UBR3: variants seen among roughly 807,000 people sequenced by gnomAD.
UBR3 encodes ubiquitin protein ligase E3 component n-recognin 3, also known as E3 ubiquitin-protein ligase UBR3.
Under a neutral mutation model 243.2 loss-of-function variants are expected in UBR3, and 85 were observed. That is an observed-to-expected ratio of 0.35 (90% CI 0.29 to 0.42). The LOEUF is 0.42. UBR3 is among the 10% of genes least tolerant of loss of function. The pLI is 1.00. For missense variants in UBR3, 1,686 were observed against 2,300.8 expected, an observed-to-expected ratio of 0.73 and a Z score of 5.47; for synonymous variants, 748 against 799.8, an observed-to-expected ratio of 0.94 and a Z score of 1.09.
At chr2:169,879,623 A>G (rs1229506355) in intron 5 of UBR3, among the ~76,000 whole-genome samples, 1 of 152,194 alleles carries the variant, frequency 6.6e-6, no homozygotes, top group African/African-American at 2.4e-5. Context: ...ACATTTCCTT[A>G]TCTGTGAAAT....
intron 1 of UBR3, among the ~76,000 whole-genome samples, chr2:169,854,926 A>G (rs2082785065): frequency 6.6e-6 from 1 of 152,240 alleles, no homozygotes; most frequent in African/African-American, 2.4e-5. Flanking sequence ...TTAAACCAAG[A>G]TAATTTCTCG....
chr2:169,921,957 C>T (rs2085716870), intron 11 of UBR3, among the ~76,000 whole-genome samples: 1 of 152,066 alleles, frequency 6.6e-6, no homozygotes, highest in Non-Finnish European at 1.5e-5. Context: ...CGCCACCGTA[C>T]TCCAGTCTGG....
At chr2:169,903,305 T>G (rs1011231758) in intron 8 of UBR3, among the ~76,000 whole-genome samples, 4 of 152,242 alleles carry the variant, frequency 2.6e-5, no homozygotes, top group African/African-American at 9.6e-5. Context: ...TTCTGCTTAT[T>G]CATCCTCTGG....
At chr2:169,834,416 T>C (rs771215766) in intron 1 of UBR3, among the ~76,000 whole-genome samples, 1 of 152,238 alleles carries the variant, frequency 6.6e-6, no homozygotes, top group Non-Finnish European at 1.5e-5. Context: ...TGTGAGCTTA[T>C]GTATGAGGAT....
At chr2:170,021,661 T>C (rs1312619519) in intron 30 of UBR3, among the ~76,000 whole-genome samples, 1 of 152,304 alleles carries the variant, frequency 6.6e-6, no homozygotes, top group South Asian at 2.1e-4. Context: ...GACTTTCTTT[T>C]GACCTCTTCA....
intron 6 of UBR3, among the ~76,000 whole-genome samples, chr2:169,894,824 G>A (rs922659704): frequency 2.0e-5 from 3 of 152,142 alleles, no homozygotes; most frequent in Admixed American, 6.5e-5. Flanking sequence ...TCTAAGTTTA[G>A]CCCCTGCTTA....
chr2:170,058,192 T>G (rs907516108), intron 33 of UBR3, among the ~76,000 whole-genome samples: 1 of 152,178 alleles, frequency 6.6e-6, no homozygotes, highest in Non-Finnish European at 1.5e-5. Context: ...CTTTCCTTCC[T>G]TTCTTCCTTT....
At chr2:169,901,869 C>T (rs1028163495) in intron 8 of UBR3, among the ~76,000 whole-genome samples, 6 of 152,154 alleles carry the variant, frequency 3.9e-5, no homozygotes, top group African/African-American at 1.4e-4. Flanking sequence ...AATCTAAAAC[C>T]ATGTGTTGTA....
chr2:169,848,708 ATT>A (rs35893950), intron 1 of UBR3, among the ~76,000 whole-genome samples: 6,496 of 144,522 alleles, frequency 0.045, 158 homozygotes, highest in Middle Eastern at 0.072. Flanking sequence ...AAGTTTTTTA[ATT>A]TTTTTTTTTT....
At chr2:170,081,634 G>A in intron 38 of UBR3, 92 bp from the exon 39 acceptor site, 4 of 962,790 alleles carry the variant, frequency 4.2e-6, no homozygotes, top group Middle Eastern at 5.9e-4. Flanking sequence ...AGGTTGCACT[G>A]CGAGAGACTG....
intron 31 of UBR3, among the ~76,000 whole-genome samples, chr2:170,033,730 T>A (rs897944122): frequency 4.6e-5 from 7 of 151,656 alleles, no homozygotes; most frequent in African/African-American, 1.7e-4. Flanking sequence ...ACCTCAACAC[T>A]CTTCCAATAT....
At chr2:169,973,862 C>T (rs2088293015) in intron 24 of UBR3, among the ~76,000 whole-genome samples, 1 of 152,150 alleles carries the variant, frequency 6.6e-6, no homozygotes, top group Non-Finnish European at 1.5e-5. Context: ...ATTGTGTTGA[C>T]ATACCTCCAT....
chr2:170,036,045 C>A (rs2090822921), intron 31 of UBR3, among the ~76,000 whole-genome samples: 1 of 151,838 alleles, frequency 6.6e-6, no homozygotes, highest in Non-Finnish European at 1.5e-5. Context: ...AATCATTTAT[C>A]AGTTCCAGGA....
At chr2:170,072,519 A>G (rs901197086) in intron 35 of UBR3, among the ~76,000 whole-genome samples, 2 of 152,156 alleles carry the variant, frequency 1.3e-5, no homozygotes, top group African/African-American at 2.4e-5. Context: ...ACATATATAC[A>G]TATGTAACTA....
rs117043088 is a variant in UBR3, at chr2:170,066,305, T to G, written c.5019+4862T>G. Among the ~76,000 whole-genome samples the G allele has an allele frequency of 4.9e-4, 74 of 152,334 alleles. 2 individuals carry two copies. The East Asian group carries it at 0.013, about 26-fold the overall frequency. ...ACTATTTCTACCACCATGTTAGGAC[T>G]AATGATAGTAACCTATATAGTTCCC... is the stretch of plus-strand genomic sequence containing the variant. On this transcript the variant is annotated intron_variant, in intron 35 of 38. Transcript: ENST00000272793.
chr2:169,927,309 A>C lies in UBR3; in HGVS notation c.2339-11A>C. On this transcript the variant is annotated splice_polypyrimidine_tract_variant and intron_variant, in intron 16 of 38. Transcript: ENST00000272793. ...ACTCAGATTTGTTAATTCCGTTTTT[A>C]ATAATTTTAGGAATGTCTGATGATG... 1.3e-6 allele frequency: 2 copies of C among 1,543,194 alleles called. No individual in the cohort carries two copies. Among genetic ancestry groups the C allele is most frequent in the East Asian group, 2.4e-5 (1 of 40,856 alleles).
chr2:169,985,355 A>G (rs981662332), intron 24 of UBR3, among the ~76,000 whole-genome samples: 1 of 151,378 alleles, frequency 6.6e-6, no homozygotes, highest in African/African-American at 2.4e-5. Flanking sequence ...TAGCCTTCCA[A>G]GTAGCCAGGA....
chr2:169,974,145 G>A (rs1220348078), intron 24 of UBR3, among the ~76,000 whole-genome samples: 2 of 152,076 alleles, frequency 1.3e-5, no homozygotes, highest in Non-Finnish European at 2.9e-5. Context: ...TTTTTGTTAT[G>A]TCTTTGTCTG....
At chr2:170,070,611 A>G (rs2091677399) in intron 35 of UBR3, among the ~76,000 whole-genome samples, 1 of 152,176 alleles carries the variant, frequency 6.6e-6, no homozygotes, top group African/African-American at 2.4e-5. Context: ...AACCTATTAG[A>G]GCTAATAAGT....
Sources: gnomAD v4.1 joint callset for allele counts (sites outside exome capture counted in the v4.1 genomes callset) on GRCh38, gnomAD v4.1.1 for gene constraint, MANE v1.5 for transcripts, NCBI Gene and HGNC (gene_info 2026-07-23, HGNC 2026-07-21) for gene names.